NAALAD2: variants seen among roughly 807,000 people sequenced by gnomAD.
The protein encoded by NAALAD2 is N-acetylated-alpha-linked acidic dipeptidase 2.
NAALAD2 carries 89 observed loss-of-function variants against 95.6 expected under a neutral mutation model. The observed-to-expected ratio is 0.93, with a 90% confidence interval of 0.78 to 1.11. The LOEUF is 1.11. Ranked by LOEUF, NAALAD2 falls within the 50% of genes least tolerant of loss-of-function variation. The pLI is 0.00. For missense variants in NAALAD2, 894 were observed against 872.4 expected (o/e 1.02, Z -0.31); for synonymous variants, 264 against 294.4 (o/e 0.90, Z 1.06).
At chr11:90,139,934 A>G (rs1160778375) in intron 2 of NAALAD2, among the ~76,000 whole-genome samples, 1 of 151,584 alleles carries the variant, frequency 6.6e-6, no homozygotes, top group East Asian at 1.9e-4. Context: ...TGCATACCTC[A>G]GTCTACGGTA....
At chr11:90,162,381 C>T (rs1952321111) in intron 8 of NAALAD2, 1 of 152,070 alleles carries the variant, frequency 6.6e-6, no homozygotes, top group African/African-American at 2.4e-5. Context: ...AGGAGCTTCC[C>T]AAATTCTCAT....
At chr11:90,178,887 G>T (rs1952884319) in intron 16 of NAALAD2, among the ~76,000 whole-genome samples, 1 of 151,946 alleles carries the variant, frequency 6.6e-6, no homozygotes, top group Non-Finnish European at 1.5e-5. Flanking sequence ...CTGTTTAGTG[G>T]TTGCTCTTCT....
At chr11:90,185,657 AT>A (rs1047953471) in intron 18 of NAALAD2, among the ~76,000 whole-genome samples, 1 of 151,716 alleles carries the variant, frequency 6.6e-6, no homozygotes, top group African/African-American at 2.4e-5. Flanking sequence ...AATCTCTAAG[AT>A]TTTTTTTCAT....
At chr11:90,141,077 T>C (rs1565509629) in intron 2 of NAALAD2, among the ~76,000 whole-genome samples, 1 of 152,198 alleles carries the variant, frequency 6.6e-6, no homozygotes, top group Non-Finnish European at 1.5e-5. Context: ...TTATTCTGTT[T>C]CTGGGTTTTA....
chr11:90,149,594 C>T (rs1951836309), intron 4 of NAALAD2, among the ~76,000 whole-genome samples: 1 of 152,008 alleles, frequency 6.6e-6, no homozygotes, highest in South Asian at 2.1e-4. Flanking sequence ...GCCGCCACAT[C>T]CTGCTAATTT....
Position 90,150,545 on chromosome 11 carries a change from G to C in NAALAD2, c.547G>C (p.Gly183Arg). 6.2e-7 allele frequency: 1 copy of C among 1,610,230 alleles called. No homozygotes were observed. The highest frequency in any genetic ancestry group is 1.1e-5 in the South Asian group (1 of 90,890). ...EDFFKLEREM[G>R]INCTGKIVIA... is the part of the protein sequence containing the mutation. ...CTTTTTCAAACTAGAAAGAGAGATG[G>C]GCATCAACTGTACTGGGAAGATTGT... Residue 183 changes from glycine to arginine, a missense_variant, in exon 5 of 19, where the codon GGC (glycine) becomes CGC (arginine). By Grantham distance (125) the Gly-to-Arg change is moderately radical (BLOSUM62 -2). Coordinates refer to ENST00000534061, the MANE Select transcript of NAALAD2 (RefSeq NM_005467.4).
At position 90,144,748 on chromosome 11, in the gene NAALAD2, A is replaced by AAAAAAAAAC. The variant is rs1377623622; in HGVS notation, c.195-2575_195-2574insACAAAAAAA. Among the ~76,000 whole-genome samples the AAAAAAAAAC allele has an allele frequency of 2.8e-4, 42 of 150,890 alleles. 1 individual carries two copies. Among genetic ancestry groups the AAAAAAAAAC allele is most frequent in the African/African-American group, 1.0e-3 (42 of 41,018 alleles). On this transcript the variant is annotated intron_variant, in intron 2 of 18. Coordinates refer to ENST00000534061, the MANE Select transcript of NAALAD2 (RefSeq NM_005467.4). ...CAAGAGCAAAACTCCATTAAAAAAA[A>AAAAAAAAAC]AAAAAAACGGAAAAGAAAGACAAGG...
Position 90,176,038 on chromosome 11 carries a change from C to T in NAALAD2, c.1569C>T (p.Gly523=), listed in dbSNP as rs200959421. Reference sequence around the variant, plus strand: ...TTCAGAGACTTGGAATTGCTTCAGGCAGAGCCCGTTACACTAAGAATAAGG... The same window carrying T: ...TTCAGAGACTTGGAATTGCTTCAGGTAGAGCCCGTTACACTAAGAATAAGG... The part of the protein sequence containing the change: ...AYFQRLGIAS[G]RARYTKNKKT... The change falls in exon 15 of 19, where the codon GGC becomes GGT. Residue 523 remains glycine, a synonymous_variant. Transcript: ENST00000534061. The T allele has an allele frequency of 1.2e-4, 196 of 1,613,388 alleles. 1 individual carries two copies. Among genetic ancestry groups the T allele is most frequent in the South Asian group, 4.2e-4 (38 of 91,058 alleles).
chr11:90,149,503 C>T (rs532596844), intron 4 of NAALAD2, among the ~76,000 whole-genome samples: 31 of 152,172 alleles, frequency 2.0e-4, no homozygotes, highest in African/African-American at 7.0e-4. Context: ...GGCACAATCT[C>T]GGCTCCCTGC....
intron 18 of NAALAD2, among the ~76,000 whole-genome samples, chr11:90,188,751 A>G (rs1289769838): frequency 7.2e-5 from 11 of 152,214 alleles, no homozygotes; most frequent in Non-Finnish European, 1.2e-4. Flanking sequence ...AGTTGTGGGT[A>G]ATATATTGTA....
intron 14 of NAALAD2, among the ~76,000 whole-genome samples, chr11:90,174,200 G>A (rs939433550): frequency 1.3e-5 from 2 of 151,964 alleles, no homozygotes; most frequent in African/African-American, 2.4e-5. Context: ...TCATGGTAGC[G>A]GGCACTTGTA....
At chr11:90,135,460 G>C (rs1480930342) in intron 1 of NAALAD2, 99 bp from the exon 2 acceptor site, 1 of 652,026 alleles carries the variant, frequency 1.5e-6, no homozygotes, top group East Asian at 2.8e-5. Context: ...TCAGATAAAG[G>C]CTTTTTGGGG....
At chr11:90,177,591 T>G (rs1464584452) in intron 15 of NAALAD2, among the ~76,000 whole-genome samples, 8 of 38,846 alleles carry the variant, frequency 2.1e-4, no homozygotes, top group African/African-American at 6.7e-4. Flanking sequence ...TTCTTGTTTT[T>G]TTTTTTTTTT....
chr11:90,168,950 G>A lies in NAALAD2; in HGVS notation c.1300G>A (p.Glu434Lys), dbSNP rs374266689. 1.9e-6 allele frequency: 3 copies of A among 1,608,502 alleles called. No individual in the cohort carries two copies. The highest frequency in any genetic ancestry group is 1.7e-6 in the Non-Finnish European group (2 of 1,177,924). Reference sequence around the variant, plus strand: ...ACAGGAGAATGTCAAAATACTCCAGGAGAGAAGCATTGCTTATATCAACTC... The same window carrying A: ...ACAGGAGAATGTCAAAATACTCCAGAAGAGAAGCATTGCTTATATCAACTC... Reference protein sequence around the residue: ...WAEENVKILQERSIAYINSDS... With the variant: ...WAEENVKILQKRSIAYINSDS... Residue 434 changes from glutamate (E) to lysine (K), a missense_variant, in exon 12 of 19, where the codon GAG (glutamate) becomes AAG (lysine). Glu to Lys is a moderately conservative substitution (Grantham distance 56). Transcript: ENST00000534061.
intron 3 of NAALAD2, among the ~76,000 whole-genome samples, chr11:90,148,611 G>T (rs971944337): frequency 1.4e-4 from 21 of 152,062 alleles, no homozygotes; most frequent in African/African-American, 4.6e-4. Context: ...ATGAAGTGTC[G>T]CAGGGAGGGA....
intron 5 of NAALAD2, among the ~76,000 whole-genome samples, chr11:90,151,628 T>A (rs1951889321): frequency 6.6e-6 from 1 of 152,202 alleles, no homozygotes; most frequent in Non-Finnish European, 1.5e-5. Flanking sequence ...CTTAGTGATA[T>A]AACAGGGTGT....
At chr11:90,132,684 T>A (rs553739316), upstream of NAALAD2, among the ~76,000 whole-genome samples, 2 of 152,318 alleles carry the variant, frequency 1.3e-5, no homozygotes, top group South Asian at 4.2e-4. Context: ...TTGGAAAATG[T>A]TTCTTAAGCC....
intron 3 of NAALAD2, 67 bp from the exon 4 acceptor site, chr11:90,148,939 C>G: frequency 1.0e-6 from 1 of 995,270 alleles, no homozygotes; most frequent in Non-Finnish European, 1.5e-6. Context: ...TACTTGGAGG[C>G]AAAATGAATT....
At chr11:90,142,603 T>C (rs764624007) in intron 2 of NAALAD2, among the ~76,000 whole-genome samples, 37 of 152,252 alleles carry the variant, frequency 2.4e-4, no homozygotes, top group South Asian at 2.1e-4. Context: ...TCCATTTTTG[T>C]AATCTTAATT....
Sources: gnomAD v4.1 joint callset for allele counts (sites outside exome capture counted in the v4.1 genomes callset) on GRCh38, gnomAD v4.1.1 for gene constraint, MANE v1.5 for transcripts, NCBI Gene and HGNC (gene_info 2026-07-23, HGNC 2026-07-21) for gene names.